GLI3: variants seen among roughly 807,000 people sequenced by gnomAD.
GLI3 encodes transcription activator GLI3.
Under a neutral mutation model 100.8 loss-of-function variants are expected in GLI3, and 20 were observed. The observed-to-expected ratio is 0.20, with a 90% confidence interval of 0.14 to 0.29. GLI3 has a LOEUF of 0.29. Ranked by LOEUF, GLI3 falls within the 10% of genes least tolerant of loss-of-function variation. The pLI is 1.00. For missense variants in GLI3, 2,040 were observed against 2,128.5 expected (o/e 0.96, Z 0.82); for synonymous variants, 938 against 860.5 (o/e 1.09, Z -1.58).
chr7:42,247,529 T>C (rs1377952163), intron 1 of GLI3, among the ~76,000 whole-genome samples: 1 of 152,244 alleles, frequency 6.6e-6, no homozygotes, highest in Non-Finnish European at 1.5e-5. Context: ...AAAGGAAGAA[T>C]GCAAAATATT....
rs575042777 is a variant in GLI3, at chr7:42,040,045, C to T, written c.1021G>A (p.Ala341Thr). The change falls in exon 7 of 15, where the codon GCA becomes ACA. Residue 341 changes from alanine to threonine, a missense_variant. By Grantham distance (58) the Ala-to-Thr change is moderately conservative. Around this residue, in one of 5 missense-constraint regions of GLI3, gnomAD observed 603 missense variants for 690.9 expected, o/e 0.87. Transcript: ENST00000395925. ...ATTCAGGAAAATACATACCTGATTG[C>T]ACTTGCAGATAAGTGACCATAGGAG... ...SGSYGHLSASAISPALSFTYS... is the reference protein window; with the variant it reads ...SGSYGHLSASTISPALSFTYS... The T allele has an allele frequency of 2.5e-6, 4 of 1,608,866 alleles. No individual in the cohort carries two copies. Among genetic ancestry groups the T allele is most frequent in the South Asian group, 2.2e-5 (2 of 90,982 alleles).
At chr7:42,106,771 G>A (rs2141175) in intron 3 of GLI3, among the ~76,000 whole-genome samples, 145,384 of 152,258 alleles carry the variant, frequency 0.95, 69,741 homozygotes, top group East Asian at 1. Flanking sequence ...TTGTGAAATG[G>A]TAATGACAGC....
In GLI3 at chr7:41,966,446, G is replaced by T; in HGVS notation, c.2627C>A (p.Ser876Tyr). 1 of 1,612,146 alleles carries T rather than the reference G, an allele frequency of 6.2e-7. No homozygotes were observed. The change falls in exon 15 of 15, where the codon TCC (serine) becomes TAC (tyrosine). Residue 876 changes from serine (S) to tyrosine (Y), a missense_variant. By Grantham distance (144) the Ser-to-Tyr change is moderately radical. Transcript: ENST00000395925. This position sits in a 1 kb window ranked among gnomAD's most constrained non-coding sequence, Gnocchi z 5.8. ...GCCCTCGGCCTGTGACGCCTCGCTG[G>T]AGCGGCGGCTGGAGAAGCAGGGCGA... ...GISPCFSSRR[S>Y]SEASQAEGRP...
intron 2 of GLI3, among the ~76,000 whole-genome samples, chr7:42,196,425 C>G (rs191036638): frequency 3.9e-4 from 59 of 152,248 alleles, no homozygotes; most frequent in African/African-American, 1.4e-3. Flanking sequence ...ACAAAGGCGT[C>G]CTGATTAACG....
upstream of GLI3, chr7:42,237,976 T>TCCTCCGCCG (rs1788858567): frequency 6.9e-6 from 1 of 145,338 alleles, no homozygotes; most frequent in African/African-American, 2.9e-5. Flanking sequence ...CTCCCCGCCC[T>TCCTCCGCCG]CCGCCGCCGC....
intron 6 of GLI3, among the ~76,000 whole-genome samples, chr7:42,043,086 G>A (rs1284257454): frequency 2.0e-5 from 3 of 152,090 alleles, no homozygotes; most frequent in Non-Finnish European, 4.4e-5. Context: ...CTAAATATCT[G>A]TAACAAGGGA....
chr7:41,989,696 C>T (rs1419125574), intron 10 of GLI3, among the ~76,000 whole-genome samples: 2 of 152,066 alleles, frequency 1.3e-5, no homozygotes, highest in African/African-American at 4.8e-5. Flanking sequence ...TAGTTTCTCT[C>T]TACACTAATA....
chr7:42,055,725 TC>T (rs1185958814), intron 4 of GLI3, among the ~76,000 whole-genome samples: 1 of 152,208 alleles, frequency 6.6e-6, no homozygotes, highest in Non-Finnish European at 1.5e-5. Flanking sequence ...ATTTTCATCA[TC>T]TTTGTAGCTA....
At chr7:42,089,448 C>T (rs1278316233) in intron 3 of GLI3, among the ~76,000 whole-genome samples, 11 of 152,182 alleles carry the variant, frequency 7.2e-5, no homozygotes, top group Admixed American at 7.2e-4. Flanking sequence ...TGATGGCAAC[C>T]TACTGGTCAT....
In GLI3 at chr7:42,115,385, C is replaced by A. The variant is rs551806627; in HGVS notation, c.367+32841G>T. On this transcript the variant is annotated intron_variant, in intron 3 of 14. Transcript: ENST00000395925. ...GAACTCCTGACCTTAAGTGACCTGC[C>A]CACCTCGGCCTCCCAAAGTGCTGAG... 2.0e-4 allele frequency among the ~76,000 whole-genome samples: 30 copies of A among 152,212 alleles called. 1 individual carries two copies. The South Asian group carries it at 5.6e-3, about 28-fold the overall frequency.
At chr7:42,025,838 G>A (rs1429312060) in intron 8 of GLI3, among the ~76,000 whole-genome samples, 2 of 152,232 alleles carry the variant, frequency 1.3e-5, no homozygotes, top group Non-Finnish European at 2.9e-5. Context: ...CTGGTGGTAA[G>A]TCGCAACTGT....
upstream of GLI3, among the ~76,000 whole-genome samples, chr7:42,238,464 G>A (rs973597713): frequency 6.6e-6 from 1 of 152,126 alleles, no homozygotes; most frequent in Non-Finnish European, 1.5e-5. Context: ...CTCTCCACCG[G>A]ACTCGTCTGC....
intron 10 of GLI3, among the ~76,000 whole-genome samples, chr7:41,987,131 C>CACACAT (rs1787853464): frequency 6.6e-6 from 1 of 151,882 alleles, no homozygotes; most frequent in Non-Finnish European, 1.5e-5. Context: ...CACACACACA[C>CACACAT]ACACACAGAT....
chr7:42,147,117 G>C (rs1374902191), intron 3 of GLI3, among the ~76,000 whole-genome samples: 2 of 152,178 alleles, frequency 1.3e-5, no homozygotes, highest in African/African-American at 4.8e-5. Flanking sequence ...GGTTGGGGGG[G>C]AGGTGGTGCG....
chr7:42,132,245 C>CCTGCCACCACGCCT (rs1554332094), intron 3 of GLI3, among the ~76,000 whole-genome samples: 1 of 145,488 alleles, frequency 6.9e-6, no homozygotes, highest in Non-Finnish European at 1.5e-5. Context: ...GGACTACAGG[C>CCTGCCACCACGCCT]GCCCGCCACT....
At chr7:42,036,317 T>C (rs994497219) in intron 7 of GLI3, among the ~76,000 whole-genome samples, 1 of 152,212 alleles carries the variant, frequency 6.6e-6, no homozygotes, top group African/African-American at 2.4e-5. Flanking sequence ...CTTACTTTAA[T>C]AAGGGGATGA....
chr7:42,060,430 G>A (rs547736474), intron 4 of GLI3, among the ~76,000 whole-genome samples: 1 of 152,062 alleles, frequency 6.6e-6, no homozygotes. Flanking sequence ...TAGTTAAGAT[G>A]ATGGATTTTT....
chr7:42,054,194 A>G (rs1784406974), intron 4 of GLI3, among the ~76,000 whole-genome samples: 1 of 152,264 alleles, frequency 6.6e-6, no homozygotes, highest in Admixed American at 6.5e-5. Context: ...GAAGATTCTT[A>G]TCAGAGCATT....
intron 3 of GLI3, among the ~76,000 whole-genome samples, chr7:42,138,036 G>A (rs1233106295): frequency 6.6e-6 from 1 of 152,158 alleles, no homozygotes; most frequent in Non-Finnish European, 1.5e-5. Context: ...CTGCCTAGGT[G>A]TTTGTTGTAT....
Sources: allele counts gnomAD v4.1 joint callset (sites outside exome capture counted in the v4.1 genomes callset), GRCh38; gene constraint gnomAD v4.1.1; regional missense constraint gnomAD v4.1.1; non-coding constraint Gnocchi (gnomAD v3.1); transcripts MANE v1.5; gene names NCBI Gene and HGNC (gene_info 2026-07-23, HGNC 2026-07-21).